Variants in CAPRIN2 observed in about 807,000 individuals in gnomAD.
CAPRIN2 encodes the protein caprin-2.
CAPRIN2 carries 66 observed loss-of-function variants against 130.4 expected under a neutral mutation model. The ratio of observed to expected loss-of-function variants is 0.51; its 90% CI spans 0.42 to 0.62. The LOEUF is 0.62. Among genes scored for constraint, CAPRIN2 ranks in the 20% least tolerant of loss-of-function variants. CAPRIN2 has a pLI of 0.00. For missense variants in CAPRIN2, 1,185 were observed against 1,246.6 expected (o/e 0.95, Z 0.74); for synonymous variants, 471 against 444.1 (o/e 1.06, Z -0.76).
chr12:30,740,954 A>G lies in CAPRIN2; in HGVS notation c.570+66T>C, dbSNP rs2067180216. 9 of 919,998 alleles carry G rather than the reference A, an allele frequency of 9.8e-6. No individual in the cohort carries two copies. In the South Asian group the frequency reaches 1.3e-4, roughly 13 times the overall value. 57.0% of individuals were successfully genotyped at this position (919,998 alleles called of 1,614,324 possible). ...AAACACCATTACTAGACACTGACACACTGACATTTTCTCCAAGATCAGTGG... is the reference window on the plus strand; with the variant it reads ...AAACACCATTACTAGACACTGACACGCTGACATTTTCTCCAAGATCAGTGG... On this transcript the variant is annotated intron_variant, in intron 3 of 16. Coordinates refer to ENST00000298892, the Ensembl canonical transcript of CAPRIN2.
chr12:30,709,916 G>C, exon 17 of CAPRIN2: 1 of 1,607,164 alleles, frequency 6.2e-7, no homozygotes, highest in Non-Finnish European at 8.5e-7. Context: ...TCTTGATAAA[G>C]AAGATAGCCT....
In CAPRIN2 at chr12:30,709,979, G is replaced by A. The variant is rs769971620; in HGVS notation, c.3157C>T (p.Arg1053Cys). The A allele has an allele frequency of 4.3e-6, 7 of 1,613,996 alleles. No individual in the cohort carries two copies. The highest frequency in any genetic ancestry group is 3.3e-5 in the Admixed American group (2 of 60,006). ...CCATAAATTGCTCCCCTGTGCAGAC[G>A]TAACCATATCTGGTCTCCCTGGAAG... is the stretch of plus-strand genomic sequence containing the variant. The change falls in exon 17 of 17, where the codon CGT becomes TGT. Residue 1053 changes from arginine (R) to cysteine (C), a missense_variant. Arg to Cys is a radical substitution (Grantham distance 180, BLOSUM62 -3). Around this residue, in one of 2 missense-constraint regions of CAPRIN2, gnomAD observed 81 missense variants for 142.2 expected, o/e 0.57. Transcript: ENST00000298892.
Position 30,725,995 on chromosome 12 carries a change from G to A in CAPRIN2, c.1876C>T (p.Gln626Ter). 1 of 1,598,126 alleles carries A rather than the reference G, an allele frequency of 6.3e-7. No individual in the cohort carries two copies. The highest frequency in any genetic ancestry group is 8.5e-7 in the Non-Finnish European group (1 of 1,172,214). Residue 626 changes from glutamine to a stop codon, truncating the protein, a stop_gained, in exon 9 of 17, where the codon CAG becomes TAG. Coordinates refer to ENST00000298892, the Ensembl canonical transcript of CAPRIN2. LOFTEE classifies it high-confidence loss of function. Reference sequence around the variant, plus strand: ...ATAAAGTTACAAGTTCCTTGAATCTGAGTCATCAGATCCTGCAGTTTTTCT... The same window carrying A: ...ATAAAGTTACAAGTTCCTTGAATCTAAGTCATCAGATCCTGCAGTTTTTCT...
chr12:30,745,062 C>A (rs771575873), intron 2 of CAPRIN2, among the ~76,000 whole-genome samples: 2 of 152,152 alleles, frequency 1.3e-5, no homozygotes, highest in Admixed American at 1.3e-4. Flanking sequence ...GCCTTGACTA[C>A]GCCGATAGCA....
At chr12:30,750,405 G>A (rs1380854887) in intron 2 of CAPRIN2, among the ~76,000 whole-genome samples, 3 of 152,112 alleles carry the variant, frequency 2.0e-5, no homozygotes, top group Non-Finnish European at 4.4e-5. Flanking sequence ...AAACATCCAC[G>A]AAGCACTGTT....
chr12:30,740,261 C>T (rs2066808733), intron 3 of CAPRIN2, among the ~76,000 whole-genome samples: 1 of 150,810 alleles, frequency 6.6e-6, no homozygotes, highest in Non-Finnish European at 1.5e-5. Flanking sequence ...AGAGCGAGAC[C>T]TTGTCTCTAA....
intron 15 of CAPRIN2, among the ~76,000 whole-genome samples, chr12:30,712,790 G>GGA (rs1475487743): frequency 7.3e-6 from 1 of 137,686 alleles, no homozygotes; most frequent in Non-Finnish European, 1.5e-5. Flanking sequence ...TGCCCAGGGT[G>GGA]GAGTGCAATG....
At chr12:30,753,830 A>G in exon 1 of CAPRIN2, 3 of 1,449,290 alleles carry the variant, frequency 2.1e-6, no homozygotes, top group Non-Finnish European at 2.8e-6. Flanking sequence ...AAATCTCCCA[A>G]TACGGAGGAT....
At chr12:30,726,074 C>T (rs774119140) in exon 9 of CAPRIN2, 13 of 1,570,778 alleles carry the variant, frequency 8.3e-6, no homozygotes, top group Non-Finnish European at 1.0e-5. Flanking sequence ...CAGGCTGATG[C>T]ACAGGCTTAG....
intron 1 of CAPRIN2, 119 bp from the exon 3 acceptor site, chr12:30,751,252 G>A (rs559256922): frequency 1.0e-4 from 82 of 781,782 alleles, no homozygotes; most frequent in South Asian, 8.0e-4. Flanking sequence ...CAATCTGCAA[G>A]ACTATCATTT....
At chr12:30,738,761 T>C (rs138029568) in intron 3 of CAPRIN2, among the ~76,000 whole-genome samples, 1 of 152,274 alleles carries the variant, frequency 6.6e-6, no homozygotes, top group African/African-American at 2.4e-5. Flanking sequence ...TAGACACTTT[T>C]CAAAAGAAGA....
chr12:30,716,350 G>T, intron 13 of CAPRIN2, 158 bp downstream of exon 15: 1 of 614,874 alleles, frequency 1.6e-6, no homozygotes, highest in East Asian at 3.1e-5. Flanking sequence ...ACAAAAAAGG[G>T]CATTAGGTTT....
intron 12 of CAPRIN2, among the ~76,000 whole-genome samples, chr12:30,718,462 GCT>G (rs2058365779): frequency 6.6e-6 from 1 of 152,068 alleles, no homozygotes; most frequent in Non-Finnish European, 1.5e-5. Context: ...GTACTTATTG[GCT>G]CACTAAGGCT....
intron 1 of CAPRIN2, among the ~76,000 whole-genome samples, chr12:30,753,071 T>C (rs1452117373): frequency 1.7e-4 from 26 of 152,250 alleles, no homozygotes; most frequent in Admixed American, 1.7e-3. Context: ...TAATACTACA[T>C]AAGGAATTAA....
intron 11 of CAPRIN2, among the ~76,000 whole-genome samples, chr12:30,722,235 G>A (rs1404017008): frequency 6.6e-6 from 1 of 152,104 alleles, no homozygotes; most frequent in Non-Finnish European, 1.5e-5. Context: ...AGTTGGAGGT[G>A]GGTTATTGGT....
intron 3 of CAPRIN2, among the ~76,000 whole-genome samples, chr12:30,736,168 C>G (rs1393648542): frequency 6.6e-6 from 1 of 151,570 alleles, no homozygotes; most frequent in Non-Finnish European, 1.5e-5. Flanking sequence ...AGTTTCCCCT[C>G]CAACAATTTG....
At position 30,733,580 on chromosome 12, in the gene CAPRIN2, A is replaced by G. The variant is rs2063458222; in HGVS notation, c.892+49T>C. On this transcript the variant is annotated intron_variant, in intron 5 of 16. Coordinates refer to ENST00000298892, the Ensembl canonical transcript of CAPRIN2. ...CCTCAATATCATACTAAACTTCTAGACATAAAGTTTAGTATTTACTGCATA... is the reference window on the plus strand; with the variant it reads ...CCTCAATATCATACTAAACTTCTAGGCATAAAGTTTAGTATTTACTGCATA... The G allele has an allele frequency of 4.8e-6, 6 of 1,239,124 alleles. No individual in the cohort carries two copies. The East Asian group carries it at 1.4e-4, about 29-fold the overall frequency. The allele number at this position is 1,239,124 out of a possible 1,614,324, so 76.8% of individuals were successfully genotyped here.
chr12:30,753,722 G>A, exon 1 of CAPRIN2: 1 of 1,613,546 alleles, frequency 6.2e-7, no homozygotes, highest in East Asian at 2.2e-5. Context: ...CCACAGAAGT[G>A]AGCTCGAAAC....
At chr12:30,723,162 A>G (rs1592034817) in intron 11 of CAPRIN2, 97 bp downstream of exon 12, 8 of 821,754 alleles carry the variant, frequency 9.7e-6, no homozygotes, top group East Asian at 4.9e-5. Context: ...TAATAATTTC[A>G]TTAGGTACAT....
Sources: allele counts gnomAD v4.1 joint callset (sites outside exome capture counted in the v4.1 genomes callset), GRCh38; gene constraint gnomAD v4.1.1; regional missense constraint gnomAD v4.1.1; transcripts MANE v1.5; gene names NCBI Gene and HGNC (gene_info 2026-07-23, HGNC 2026-07-21).